Variants in HACD2 observed in about 807,000 individuals in gnomAD.
HACD2 encodes the protein very-long-chain (3R)-3-hydroxyacyl-CoA dehydratase 2.
A neutral mutation model predicts 31.0 loss-of-function variants in HACD2; 15 were observed. The ratio of observed to expected loss-of-function variants is 0.48; its 90% CI spans 0.32 to 0.75. The LOEUF is 0.75. HACD2 is among the 30% of genes least tolerant of loss of function. The pLI is 0.03. For synonymous variants in HACD2, 115 were observed against 122.2 expected (o/e 0.94, Z 0.39); for missense variants, 283 against 313.0 (o/e 0.90, Z 0.72).
intron 4 of HACD2, among the ~76,000 whole-genome samples, chr3:123,512,640 G>A (rs909697228): frequency 6.6e-6 from 1 of 152,116 alleles, no homozygotes; most frequent in Non-Finnish European, 1.5e-5. Flanking sequence ...CAGGCAAACT[G>A]AGCAAAAAAA....
chr3:123,525,184 C>T (rs1027636802), intron 4 of HACD2, among the ~76,000 whole-genome samples: 7 of 152,118 alleles, frequency 4.6e-5, no homozygotes, highest in Admixed American at 6.5e-5. Flanking sequence ...TGGCTTGTTT[C>T]GCCAGAGCTT....
intron 4 of HACD2, 44 bp downstream of exon 4, chr3:123,528,342 T>A: frequency 3.5e-6 from 4 of 1,154,072 alleles, no homozygotes; most frequent in Non-Finnish European, 3.9e-6. Context: ...AGTTGACTAG[T>A]GTTTGTTAGT....
chr3:123,503,516 A>G (rs2055933234), intron 4 of HACD2, among the ~76,000 whole-genome samples: 1 of 152,072 alleles, frequency 6.6e-6, no homozygotes, highest in Non-Finnish European at 1.5e-5. Flanking sequence ...ATGCTGAAAA[A>G]AACAATAAAG....
At chr3:123,579,358 A>T in intron 2 of HACD2, among the ~76,000 whole-genome samples, 1 of 151,518 alleles carries the variant, frequency 6.6e-6, no homozygotes. Context: ...GCAGTGATGC[A>T]ATCATAGTTC....
At chr3:123,507,381 G>C (rs972680147) in intron 4 of HACD2, among the ~76,000 whole-genome samples, 7 of 151,858 alleles carry the variant, frequency 4.6e-5, no homozygotes, top group Non-Finnish European at 8.8e-5. Context: ...ATGGATAAAC[G>C]ACAAGTGATA....
Position 123,494,579 on chromosome 3 carries a change from G to T in HACD2, c.*309C>A, listed in dbSNP as rs1406154130. 1 of 385,190 alleles carries T rather than the reference G, an allele frequency of 2.6e-6. No individual in the cohort carries two copies. Among genetic ancestry groups the T allele is most frequent in the East Asian group, 6.5e-5 (1 of 15,308 alleles). The allele number at this position is 385,190 out of a possible 1,614,324, so 23.9% of individuals were successfully genotyped here. A position where few individuals can be genotyped will look rare whatever the true frequency, so the allele number is the denominator to read the frequency against. On this transcript the variant is annotated 3_prime_UTR_variant, in exon 7 of 7. Transcript: ENST00000383657. The stretch of plus-strand genomic sequence containing the variant: ...GTACTTAGTGTTACAGGTCTTCATT[G>T]ATCAGATACATGAAGGACACAGAAG...
intron 2 of HACD2, among the ~76,000 whole-genome samples, chr3:123,572,587 T>C (rs572612094): frequency 2.0e-4 from 31 of 152,370 alleles, no homozygotes; most frequent in Admixed American, 2.0e-3. Context: ...AATAAACTGA[T>C]TTTAGTTTTA....
At chr3:123,500,244 A>G (rs1363174956) in intron 6 of HACD2, among the ~76,000 whole-genome samples, 1 of 152,178 alleles carries the variant, frequency 6.6e-6, no homozygotes, top group Non-Finnish European at 1.5e-5. Flanking sequence ...ACTTTCCCCA[A>G]TACATACTTA....
At chr3:123,549,488 C>T (rs1339343490) in intron 3 of HACD2, among the ~76,000 whole-genome samples, 1 of 152,172 alleles carries the variant, frequency 6.6e-6, no homozygotes, top group Non-Finnish European at 1.5e-5. Flanking sequence ...TGGCTCATGT[C>T]TGTAATCCCA....
chr3:123,505,072 T>A (rs1256027443), intron 4 of HACD2, among the ~76,000 whole-genome samples: 2 of 152,218 alleles, frequency 1.3e-5, no homozygotes, highest in African/African-American at 4.8e-5. Context: ...AGTGGAGTAT[T>A]ATGCAGCCTT....
intron 4 of HACD2, among the ~76,000 whole-genome samples, chr3:123,507,274 G>A (rs2055988784): frequency 6.6e-6 from 1 of 152,054 alleles, no homozygotes; most frequent in African/African-American, 2.4e-5. Flanking sequence ...AAAAAAGGAG[G>A]TTTAATAAGT....
intron 3 of HACD2, among the ~76,000 whole-genome samples, chr3:123,551,123 A>T (rs146419901): frequency 2.0e-5 from 3 of 152,234 alleles, no homozygotes; most frequent in African/African-American, 7.2e-5. Flanking sequence ...TATCATGGAA[A>T]AGGGTTCCAG....
At chr3:123,535,649 A>G (rs1198938559) in intron 3 of HACD2, among the ~76,000 whole-genome samples, 1 of 152,208 alleles carries the variant, frequency 6.6e-6, no homozygotes, top group Non-Finnish European at 1.5e-5. Context: ...GTGTGACAGA[A>G]CTGGAGGCTG....
chr3:123,559,067 T>A (rs1488641913), intron 3 of HACD2, among the ~76,000 whole-genome samples: 1 of 152,218 alleles, frequency 6.6e-6, no homozygotes, highest in Non-Finnish European at 1.5e-5. Flanking sequence ...TTTCCTTACC[T>A]CGAATCTTAA....
At chr3:123,555,431 A>G (rs75216688) in intron 3 of HACD2, among the ~76,000 whole-genome samples, 17,257 of 152,142 alleles carry the variant, frequency 0.11, 1,546 homozygotes, top group African/African-American at 0.26. Flanking sequence ...ATGAAGGTCA[A>G]TTGCCTTTCT....
intron 6 of HACD2, among the ~76,000 whole-genome samples, chr3:123,495,638 C>T (rs933104966): frequency 2.6e-5 from 4 of 150,968 alleles, no homozygotes; most frequent in African/African-American, 9.8e-5. Context: ...AAGCCAGTGT[C>T]TTAGGCACTG....
At chr3:123,511,545 T>C (rs1332981359) in intron 4 of HACD2, among the ~76,000 whole-genome samples, 4 of 152,078 alleles carry the variant, frequency 2.6e-5, no homozygotes, top group African/African-American at 4.8e-5. Flanking sequence ...TAGAGAATAA[T>C]AGGATTTGGA....
At chr3:123,568,123 A>G (rs1331556762) in intron 2 of HACD2, among the ~76,000 whole-genome samples, 1 of 152,182 alleles carries the variant, frequency 6.6e-6, no homozygotes, top group South Asian at 2.1e-4. Context: ...CATGTCCCAT[A>G]TGCTATAGAA....
At chr3:123,507,044 G>C (rs2055985189) in intron 4 of HACD2, among the ~76,000 whole-genome samples, 1 of 152,120 alleles carries the variant, frequency 6.6e-6, no homozygotes, top group Non-Finnish European at 1.5e-5. Flanking sequence ...GATCACTTGA[G>C]GCCAGGAGCT....
Sources: gnomAD v4.1 joint callset for allele counts (sites outside exome capture counted in the v4.1 genomes callset) on GRCh38, gnomAD v4.1.1 for gene constraint, MANE v1.5 for transcripts, NCBI Gene and HGNC (gene_info 2026-07-23, HGNC 2026-07-21) for gene names.